The following PPP1R12A variants were observed in gnomAD, a reference collection of about 807,000 sequenced individuals.
PPP1R12A encodes protein phosphatase 1 regulatory subunit 12A.
In PPP1R12A, 19 loss-of-function variants were observed where a neutral mutation model predicts 139.6. That is an observed-to-expected ratio of 0.14 (90% CI 0.09 to 0.20). PPP1R12A has a LOEUF of 0.20. Among genes scored for constraint, PPP1R12A ranks in the 10% least tolerant of loss-of-function variants. PPP1R12A has a pLI of 1.00. For synonymous variants in PPP1R12A, 427 were observed against 420.6 expected, an observed-to-expected ratio of 1.02 and a Z score of -0.19; for missense variants, 925 against 1,211.5, an observed-to-expected ratio of 0.76 and a Z score of 3.51.
Position 79,786,443 on chromosome 12 carries a change from C to A in PPP1R12A, c.2838G>T (p.Leu946=). The A allele has an allele frequency of 1.3e-6, 2 of 1,558,358 alleles. No individual in the cohort carries two copies. The highest frequency in any genetic ancestry group is 8.7e-7 in the Non-Finnish European group (1 of 1,151,506). ...TATTTGTATCATGTAGCTGTGCCTT[C>A]AGCTTTTCATTTTCAGCTAGAATTT... ...YEQILAENEK[L]KAQLHDTNME... is the part of the protein sequence containing the mutation. Residue 946 remains leucine, a synonymous_variant, in exon 22 of 25, where the codon CTG becomes CTT. Transcript: ENST00000450142.
chr12:79,837,618 A>G (rs1362035852), intron 3 of PPP1R12A, among the ~76,000 whole-genome samples: 1 of 152,198 alleles, frequency 6.6e-6, no homozygotes, highest in Admixed American at 6.5e-5. Flanking sequence ...GGTGGGAAGG[A>G]CCCAGTGGGA....
At chr12:79,928,719 T>C (rs919334461) in intron 1 of PPP1R12A, among the ~76,000 whole-genome samples, 2 of 152,242 alleles carry the variant, frequency 1.3e-5, no homozygotes, top group Admixed American at 1.3e-4. Context: ...AATCAAACTA[T>C]TTGCTAACAA....
At chr12:79,856,154 C>T (rs1180413830) in intron 2 of PPP1R12A, among the ~76,000 whole-genome samples, 6 of 152,174 alleles carry the variant, frequency 3.9e-5, no homozygotes, top group Non-Finnish European at 8.8e-5. Context: ...AAAAAACAGT[C>T]TGAAAGGTCA....
chr12:79,864,679 G>T (rs1881761433), intron 2 of PPP1R12A, among the ~76,000 whole-genome samples: 1 of 152,160 alleles, frequency 6.6e-6, no homozygotes, highest in East Asian at 1.9e-4. Flanking sequence ...TACCATCAGA[G>T]AATACTATAA....
intron 1 of PPP1R12A, among the ~76,000 whole-genome samples, chr12:79,925,581 G>A (rs555335369): frequency 6.6e-6 from 1 of 152,328 alleles, no homozygotes; most frequent in African/African-American, 2.4e-5. Context: ...AAAAGTGACA[G>A]CTGAGGAATG....
intron 1 of PPP1R12A, among the ~76,000 whole-genome samples, chr12:79,913,206 C>A (rs922825857): frequency 6.6e-6 from 1 of 152,228 alleles, no homozygotes; most frequent in African/African-American, 2.4e-5. Context: ...CACGCATATG[C>A]ACACACAATC....
intron 3 of PPP1R12A, among the ~76,000 whole-genome samples, chr12:79,844,958 T>C (rs901517173): frequency 6.6e-6 from 1 of 152,326 alleles, no homozygotes. Context: ...TGACCCCTTA[T>C]CAGTGAGCCT....
chr12:79,786,297 A>C, intron 22 of PPP1R12A, 77 bp downstream of exon 22: 1 of 902,606 alleles, frequency 1.1e-6, no homozygotes, highest in Non-Finnish European at 1.7e-6. Flanking sequence ...AGTATTAGAA[A>C]AAATTTTAAT....
At chr12:79,891,825 AT>A (rs1206424480) in intron 1 of PPP1R12A, among the ~76,000 whole-genome samples, 1 of 152,202 alleles carries the variant, frequency 6.6e-6, no homozygotes, top group Non-Finnish European at 1.5e-5. Context: ...TGAGAGACAC[AT>A]GTGGCAAGGA....
At position 79,786,391 on chromosome 12, in the gene PPP1R12A, A is replaced by G. The variant is rs769404553; in HGVS notation, c.2890T>C (p.Leu964=). 6.4e-7 allele frequency: 1 copy of G among 1,553,886 alleles called. No homozygotes were observed. ...GTACAAACCTGGGTGGCCTTTTCCA[A>G]CTGTAATTTAAGATCTGTTAGTTCC... is the stretch of plus-strand genomic sequence containing the variant. The part of the protein sequence containing the change: ...NMELTDLKLQ[L]EKATQRQERF... Residue 964 remains leucine, a synonymous_variant, in exon 22 of 25, where the codon TTG becomes CTG. Transcript: ENST00000450142.
intron 9 of PPP1R12A, among the ~76,000 whole-genome samples, chr12:79,816,161 AG>A (rs1875356072): frequency 6.6e-6 from 1 of 152,186 alleles, no homozygotes; most frequent in Non-Finnish European, 1.5e-5. Context: ...AGAAGTTCAA[AG>A]GCAACTAAAC....
intron 2 of PPP1R12A, among the ~76,000 whole-genome samples, chr12:79,853,026 TC>T (rs1162122409): frequency 1.3e-5 from 2 of 152,158 alleles, no homozygotes; most frequent in Non-Finnish European, 2.9e-5. Flanking sequence ...GGAATTAAAG[TC>T]CCAACTCTGT....
At chr12:79,795,563 TTA>T in intron 18 of PPP1R12A, 73 bp downstream of exon 18, 1 of 1,386,556 alleles carries the variant, frequency 7.2e-7, no homozygotes, top group Non-Finnish European at 9.8e-7. Context: ...TAAGAAATTA[TTA>T]GTATGTATTT....
chr12:79,841,160 G>A (rs1878661823), intron 3 of PPP1R12A, among the ~76,000 whole-genome samples: 2 of 151,888 alleles, frequency 1.3e-5, no homozygotes, highest in African/African-American at 2.4e-5. Flanking sequence ...TACTCCTGGC[G>A]TCAAGCAAGC....
chr12:79,839,935 A>G (rs998555447), intron 3 of PPP1R12A, among the ~76,000 whole-genome samples: 3 of 152,208 alleles, frequency 2.0e-5, no homozygotes, highest in Non-Finnish European at 2.9e-5. Flanking sequence ...TAATTATTAA[A>G]ATCTGTTAGA....
At chr12:79,871,625 C>A (rs1057255866) in intron 2 of PPP1R12A, among the ~76,000 whole-genome samples, 2 of 152,072 alleles carry the variant, frequency 1.3e-5, no homozygotes, top group East Asian at 3.9e-4. Context: ...AGGAGGCATT[C>A]ATATTCCATA....
chr12:79,843,317 T>G (rs1285776495), intron 3 of PPP1R12A, among the ~76,000 whole-genome samples: 3 of 152,280 alleles, frequency 2.0e-5, no homozygotes, highest in South Asian at 2.1e-4. Flanking sequence ...GGCTCATGCC[T>G]GTAATCCCAG....
chr12:79,886,886 TA>T (rs1884154363), intron 1 of PPP1R12A, among the ~76,000 whole-genome samples: 1 of 152,214 alleles, frequency 6.6e-6, no homozygotes, highest in Non-Finnish European at 1.5e-5. Context: ...CCTTTACTGA[TA>T]AAAATCTATA....
chr12:79,792,750 C>T (rs754891291), intron 19 of PPP1R12A, among the ~76,000 whole-genome samples: 2 of 152,094 alleles, frequency 1.3e-5, no homozygotes, highest in Non-Finnish European at 2.9e-5. Context: ...TGAGAGGTGT[C>T]AGATGGGGAT....
Sources: allele counts gnomAD v4.1 joint callset (sites outside exome capture counted in the v4.1 genomes callset), GRCh38; gene constraint gnomAD v4.1.1; transcripts MANE v1.5; gene names NCBI Gene and HGNC (gene_info 2026-07-23, HGNC 2026-07-21).